Variants in IFT140 observed in about 807,000 individuals in gnomAD.
The protein encoded by IFT140 is intraflagellar transport protein 140 homolog.
In IFT140, 133 loss-of-function variants were observed where a neutral mutation model predicts 164.6. That is an observed-to-expected ratio of 0.81 (90% confidence interval 0.70 to 0.93). IFT140 has a LOEUF of 0.93. Ranked by LOEUF, IFT140 falls within the 40% of genes least tolerant of loss-of-function variation. The pLI is 0.00. For synonymous variants in IFT140, 860 were observed against 817.3 expected, an observed-to-expected ratio of 1.05 and a Z score of -0.89; for missense variants, 2,045 against 1,972.3, an observed-to-expected ratio of 1.04 and a Z score of -0.70.
rs2141171017 is a variant in IFT140, at chr16:1,524,655, G to A, written c.3038C>T (p.Ser1013Phe). The A allele has an allele frequency of 6.3e-7, 1 of 1,582,622 alleles. No homozygotes were observed. The highest frequency in any genetic ancestry group is 8.6e-7 in the Non-Finnish European group (1 of 1,159,594). ...CTCGTACTGGCGGGCGAGGTGGTAG[G>A]AGGCCGCCAGGTTTCCTGTCTCGTT... Reference protein sequence around the residue: ...IANETGNLAASYHLARQYESQ... With the variant: ...IANETGNLAAFYHLARQYESQ... Residue 1013 changes from serine to phenylalanine, a missense_variant, in exon 24 of 31, where the codon TCC becomes TTC. By Grantham distance (155) the Ser-to-Phe change is radical (BLOSUM62 -2). Coordinates refer to ENST00000426508, the MANE Select transcript of IFT140 (RefSeq NM_014714.4).
At chr16:1,523,458 C>T (rs777156641) in intron 26 of IFT140, 60 bp downstream of exon 26, 7 of 1,548,466 alleles carry the variant, frequency 4.5e-6, no homozygotes, top group East Asian at 4.5e-5. Flanking sequence ...CCTCTGGGGA[C>T]AGGAGACCTG....
chr16:1,559,154 G>A (rs2141478004), intron 18 of IFT140, among the ~76,000 whole-genome samples: 1 of 152,358 alleles, frequency 6.6e-6, no homozygotes, highest in East Asian at 1.9e-4. Context: ...GCTGAGTGCT[G>A]AAGGGTTTGG....
rs146836183 is a variant in IFT140, at chr16:1,534,900, C to T, written c.2400-8104G>A. Among the ~76,000 whole-genome samples the T allele has an allele frequency of 3.3e-4, 50 of 152,240 alleles. No homozygotes were observed. In the East Asian group the frequency reaches 8.9e-3, roughly 27 times the overall value. ...AATCAAATCAAGGAAAGGCATTTTT[C>T]CTTGGTTGAAAATAATTATTACGGC... On this transcript the variant is annotated intron_variant, in intron 19 of 30. Coordinates refer to ENST00000426508, the MANE Select transcript of IFT140 (RefSeq NM_014714.4).
intron 26 of IFT140, among the ~76,000 whole-genome samples, chr16:1,521,254 C>T (rs1044145768): frequency 6.6e-6 from 1 of 151,906 alleles, no homozygotes; most frequent in Non-Finnish European, 1.5e-5. Context: ...TCAGTAGAGA[C>T]GGGGTTTTGC....
Position 1,572,385 on chromosome 16 carries a change from G to A in IFT140, c.1525-851C>T, listed in dbSNP as rs2667685. ...CCACAGGCCGGGCGCGGTGGCTCAC[G>A]CCTGTAATCCCAGCACTTTGGGAGG... On this transcript the variant is annotated intron_variant, in intron 13 of 30. Coordinates refer to ENST00000426508, the MANE Select transcript of IFT140 (RefSeq NM_014714.4). Among the ~76,000 whole-genome samples the A allele has an allele frequency of 6.5e-3, 994 of 152,314 alleles. 17 individuals are homozygous for A. Among genetic ancestry groups the A allele is most frequent in the African/African-American group, 0.023 (943 of 41,572 alleles).
Position 1,526,749 on chromosome 16 carries a change from C to A in IFT140, c.2447G>T (p.Arg816Leu). 1 of 1,610,152 alleles carries A rather than the reference C, an allele frequency of 6.2e-7. No homozygotes were observed. The highest frequency in any genetic ancestry group is 1.3e-5 in the African/African-American group (1 of 75,040). ...CAGGCACACCTTGGCCACGTCCAGC[C>A]GCTGGGTCTTCACGCACATGCGCGC... ...NMARMCVKTQ[R>L]LDVAKVCLGN... is the part of the protein sequence containing the mutation. The change falls in exon 20 of 31, where the codon CGG becomes CTG. Residue 816 changes from arginine to leucine, a missense_variant. Coordinates refer to ENST00000426508, the MANE Select transcript of IFT140 (RefSeq NM_014714.4).
At position 1,551,236 on chromosome 16, in the gene IFT140, G is replaced by A. The variant is rs913168628; in HGVS notation, c.2399+6699C>T. Among the ~76,000 whole-genome samples, 1 of 152,248 alleles carries A rather than the reference G, an allele frequency of 6.6e-6. No individual in the cohort carries two copies. The highest frequency in any genetic ancestry group is 1.5e-5 in the Non-Finnish European group (1 of 68,048). On this transcript the variant is annotated intron_variant, in intron 19 of 30. Transcript: ENST00000426508. The surrounding 1 kb of genome is among the most constrained non-coding windows in gnomAD (Gnocchi z 4.0). ...CCGGGGAGCCTGCCCTGTGGCGGGG[G>A]AGAGCGGCCAGAGCCACCCATGGGT...
chr16:1,541,122 C>T lies in IFT140; in HGVS notation c.2400-14326G>A, dbSNP rs1239960837. 16 of 985,330 alleles carry T rather than the reference C, an allele frequency of 1.6e-5. No individual in the cohort carries two copies. In the South Asian group the frequency reaches 4.7e-4, roughly 29 times the overall value. 61.0% of individuals were successfully genotyped at this position (985,330 alleles called of 1,614,324 possible). A position where few individuals can be genotyped will look rare whatever the true frequency, so the allele number is the denominator to read the frequency against. On this transcript the variant is annotated intron_variant, in intron 19 of 30. Transcript: ENST00000426508. ...AGAAGGCTCCATCTGCCCCTGACCACGCATCCATGTGCCCTGCCCACCTGG... is the reference window on the plus strand; with the variant it reads ...AGAAGGCTCCATCTGCCCCTGACCATGCATCCATGTGCCCTGCCCACCTGG...
At chr16:1,563,876 C>T (rs2033563951) in intron 17 of IFT140, 121 bp downstream of exon 17, 1 of 1,071,258 alleles carries the variant, frequency 9.3e-7, no homozygotes, top group African/African-American at 1.6e-5. Flanking sequence ...TCCCTCCCGC[C>T]TTGGCCTCCC....
intron 2 of IFT140, 128 bp from the exon 3 acceptor site, chr16:1,607,425 G>A (rs2036133829): frequency 1.3e-6 from 1 of 782,948 alleles, no homozygotes; most frequent in African/African-American, 1.8e-5. Context: ...ACTTGAAAAT[G>A]CCTTGCGGAC....
rs111286800 is a variant in IFT140 at position 1,606,928 on chromosome 16, A to G, written c.147+192T>C. On this transcript the variant is annotated intron_variant, in intron 3 of 30. Transcript: ENST00000426508. ...CATATGCACACACCCACGTGTGCGCACACACACACAGATGCAGACATACAT... is the reference window on the plus strand; with the variant it reads ...CATATGCACACACCCACGTGTGCGCGCACACACACAGATGCAGACATACAT... Among the ~76,000 whole-genome samples the G allele has an allele frequency of 0.023, 3,415 of 149,990 alleles. 126 individuals carry two copies. The highest frequency in any genetic ancestry group is 0.077 in the African/African-American group (3,184 of 41,350).
chr16:1,582,050 A>C (rs2034600169), intron 12 of IFT140, among the ~76,000 whole-genome samples: 2 of 152,080 alleles, frequency 1.3e-5, no homozygotes, highest in Admixed American at 6.6e-5. Flanking sequence ...CTGTGTGGGC[A>C]GGCGGCTGAG....
chr16:1,523,625 C>T lies in IFT140; in HGVS notation c.3346G>A (p.Asp1116Asn), dbSNP rs1207361708. 1.2e-6 allele frequency: 2 copies of T among 1,613,866 alleles called. No individual in the cohort carries two copies. Among genetic ancestry groups the T allele is most frequent in the Non-Finnish European group, 1.7e-6 (2 of 1,180,016 alleles). Reference sequence around the variant, plus strand: ...GCAGGGTCTGACGTCTCATCCAGGTCCTCTGCTATGAGCTGTAGGGCCACA... The same window carrying T: ...GCAGGGTCTGACGTCTCATCCAGGTTCTCTGCTATGAGCTGTAGGGCCACA... ...QFVALQLIAE[D>N]LDETSDPALL... The change falls in exon 26 of 31, where the codon GAC becomes AAC. Residue 1116 changes from aspartate to asparagine, a missense_variant. Transcript: ENST00000426508.
At chr16:1,558,234 A>C (rs746454591) in intron 18 of IFT140, 100 bp from the exon 19 acceptor site, 2 of 1,157,724 alleles carry the variant, frequency 1.7e-6, no homozygotes, top group Middle Eastern at 2.5e-4. Flanking sequence ...TGGGGGAGAA[A>C]TCCCTCTGCA....
In IFT140 at chr16:1,553,722, T is replaced by G. The variant is rs565611829; in HGVS notation, c.2399+4213A>C. The G allele has an allele frequency of 3.1e-5, 35 of 1,121,094 alleles. No individual in the cohort carries two copies. The African/African-American group carries it at 5.2e-4, about 17-fold the overall frequency. The allele number at this position is 1,121,094 out of a possible 1,614,324, so 69.4% of individuals were successfully genotyped here. A position where few individuals can be genotyped will look rare whatever the true frequency, so the allele number is the denominator to read the frequency against. On this transcript the variant is annotated intron_variant, in intron 19 of 30. Coordinates refer to ENST00000426508, the MANE Select transcript of IFT140 (RefSeq NM_014714.4). This position sits in a 1 kb window ranked among gnomAD's most constrained non-coding sequence, Gnocchi z 4.4. ...GCCCCATGGCCTCCAGGACAATCTG[T>G]GGCCACATCCCCATGGCTGTAGGGG...
chr16:1,555,080 G>C, intron 19 of IFT140: 6 of 1,551,544 alleles, frequency 3.9e-6, no homozygotes, highest in South Asian at 2.4e-5. Flanking sequence ...GAACAGCCTA[G>C]AAACCAAGGG....
At chr16:1,586,561 G>C (rs2034891902) in intron 9 of IFT140, among the ~76,000 whole-genome samples, 1 of 152,212 alleles carries the variant, frequency 6.6e-6, no homozygotes, top group Admixed American at 6.5e-5. Context: ...TAGAGACGCG[G>C]CTCTGGCTCA....
At chr16:1,549,229 C>T (rs375869977) in intron 19 of IFT140, among the ~76,000 whole-genome samples, 1 of 152,258 alleles carries the variant, frequency 6.6e-6, no homozygotes, top group African/African-American at 2.4e-5. Context: ...CAAAAGCCGA[C>T]GCTGCTCTCC....
chr16:1,536,266 C>T (rs1042460897), intron 19 of IFT140, among the ~76,000 whole-genome samples: 15 of 152,332 alleles, frequency 9.8e-5, no homozygotes, highest in African/African-American at 3.6e-4. Flanking sequence ...CACAGGGCCG[C>T]GTGTAGCCTC....
Sources: gnomAD v4.1 joint callset for allele counts (sites outside exome capture counted in the v4.1 genomes callset) on GRCh38, gnomAD v4.1.1 for gene constraint, Gnocchi (gnomAD v3.1) non-coding constraint, MANE v1.5 for transcripts, NCBI Gene and HGNC (gene_info 2026-07-23, HGNC 2026-07-21) for gene names.